MAP2K2: variants seen among roughly 807,000 people sequenced by gnomAD.
The protein encoded by MAP2K2 is dual specificity mitogen-activated protein kinase kinase 2.
In MAP2K2, 24 loss-of-function variants were observed where a neutral mutation model predicts 43.7. The observed-to-expected ratio is 0.55, with a 90% CI of 0.40 to 0.77. The LOEUF (loss-of-function observed/expected upper bound fraction) is 0.77. MAP2K2 is among the 30% of genes least tolerant of loss of function. MAP2K2 has a pLI of 0.00. For missense variants in MAP2K2, 470 were observed against 566.8 expected (o/e 0.83, Z 1.73); for synonymous variants, 244 against 239.7 (o/e 1.02, Z -0.17).
chr19:4,106,630 A>G (rs1286014011), intron 3 of MAP2K2, among the ~76,000 whole-genome samples: 1 of 151,272 alleles, frequency 6.6e-6, no homozygotes, highest in Non-Finnish European at 1.5e-5. Flanking sequence ...ATGGTCTTGA[A>G]CTCTTGACCT....
chr19:4,121,036 G>A (rs925936851), intron 1 of MAP2K2, among the ~76,000 whole-genome samples: 4 of 152,008 alleles, frequency 2.6e-5, no homozygotes, highest in African/African-American at 7.3e-5. Context: ...CACGGCACCC[G>A]GACCCCAGCC....
intron 3 of MAP2K2, chr19:4,102,664 G>A (rs962939257): frequency 9.9e-7 from 1 of 1,005,156 alleles, no homozygotes; most frequent in Non-Finnish European, 1.4e-6. Flanking sequence ...GAAGGAACAG[G>A]GCCCAGGGTT....
chr19:4,113,418 C>T (rs2041180586), intron 2 of MAP2K2, among the ~76,000 whole-genome samples: 1 of 152,148 alleles, frequency 6.6e-6, no homozygotes. Flanking sequence ...GACAGACAGA[C>T]AGATGGACAG....
At chr19:4,094,711 C>T (rs925481289) in intron 9 of MAP2K2, 1 of 583,620 alleles carries the variant, frequency 1.7e-6, no homozygotes, top group East Asian at 2.8e-5. Context: ...GGCAGGACAC[C>T]CCCCAGCGGG....
intron 3 of MAP2K2, among the ~76,000 whole-genome samples, chr19:4,109,337 T>TA (rs957311645): frequency 6.6e-6 from 1 of 152,188 alleles, no homozygotes; most frequent in African/African-American, 2.4e-5. Context: ...TACCCCACCC[T>TA]AGAGACTGTG....
intron 7 of MAP2K2, among the ~76,000 whole-genome samples, 199 bp from the exon 8 acceptor site, chr19:4,097,542 C>T (rs1216967713): frequency 1.3e-5 from 2 of 152,160 alleles, no homozygotes; most frequent in African/African-American, 4.8e-5. Context: ...CTACTCCTTG[C>T]CTGAGCCTCT....
intron 3 of MAP2K2, among the ~76,000 whole-genome samples, chr19:4,107,124 G>A (rs1335238980): frequency 6.6e-5 from 10 of 152,276 alleles, no homozygotes; most frequent in East Asian, 3.9e-4. Context: ...CACTGGGCAC[G>A]GTGGCTCACC....
chr19:4,106,022 C>A (rs1029309737), intron 3 of MAP2K2, among the ~76,000 whole-genome samples: 3 of 152,174 alleles, frequency 2.0e-5, no homozygotes, highest in Non-Finnish European at 2.9e-5. Flanking sequence ...GGCTGTAGAG[C>A]AGTGGCTCAA....
Position 4,117,441 on chromosome 19 carries a change from G to A in MAP2K2, c.281C>T (p.Ser94Leu), listed in dbSNP as rs202220799. 3.3e-5 allele frequency: 53 copies of A among 1,613,172 alleles called. No homozygotes were observed. The highest frequency in any genetic ancestry group is 1.2e-4 in the African/African-American group (9 of 74,902). The change falls in exon 2 of 11, where the codon TCG becomes TTG. Residue 94 changes from serine (S) to leucine (L), a missense_variant. Ser to Leu is a moderately radical substitution (Grantham distance 145). This residue lies in a region of MAP2K2 where 200 missense variants were observed against 297.9 expected (regional missense o/e 0.67). Coordinates refer to ENST00000262948, the MANE Select transcript of MAP2K2 (RefSeq NM_030662.4). ...GVVTKVQHRP[S>L]GLIMARKLIH... Reference sequence around the variant, plus strand: ...CACCTTCCTGGCCATGATGAGGCCCGAGGGTCTGTGCTGGACTTTGGTGAC... The same window carrying A: ...CACCTTCCTGGCCATGATGAGGCCCAAGGGTCTGTGCTGGACTTTGGTGAC...
At chr19:4,099,177 G>T in intron 7 of MAP2K2, 24 bp downstream of exon 7, 1 of 1,582,574 alleles carries the variant, frequency 6.3e-7, no homozygotes, top group East Asian at 2.3e-5. Context: ...CGTCCAGACC[G>T]GAAGTTGCAG....
chr19:4,113,140 G>A (rs1236194976), intron 2 of MAP2K2, among the ~76,000 whole-genome samples: 2 of 152,162 alleles, frequency 1.3e-5, no homozygotes, highest in Admixed American at 6.5e-5. Context: ...GTCGCAAGTC[G>A]TAATTTAGGA....
chr19:4,116,805 C>T (rs1246461549), intron 2 of MAP2K2, among the ~76,000 whole-genome samples: 2 of 151,858 alleles, frequency 1.3e-5, no homozygotes, highest in East Asian at 1.9e-4. Flanking sequence ...TGGTGTGTGC[C>T]TGTAATCCCA....
chr19:4,097,254 A>G, intron 8 of MAP2K2, 25 bp downstream of exon 8: 1 of 1,575,396 alleles, frequency 6.3e-7, no homozygotes, highest in Non-Finnish European at 8.7e-7. Context: ...AGGAAAAGAA[A>G]AGCCAAAAGG....
intron 2 of MAP2K2, among the ~76,000 whole-genome samples, chr19:4,116,632 G>C (rs139450560): frequency 2.7e-3 from 406 of 152,220 alleles, no homozygotes; most frequent in Admixed American, 5.7e-3. Context: ...CCACACCCAG[G>C]CTCCCATGCT....
At chr19:4,105,603 G>C (rs148870678) in intron 3 of MAP2K2, among the ~76,000 whole-genome samples, 25 of 152,154 alleles carry the variant, frequency 1.6e-4, no homozygotes, top group African/African-American at 5.8e-4. Context: ...ATTCAAATGA[G>C]GATAAATAAC....
At chr19:4,112,650 C>T (rs1053686519) in intron 2 of MAP2K2, among the ~76,000 whole-genome samples, 1 of 152,026 alleles carries the variant, frequency 6.6e-6, no homozygotes, top group East Asian at 1.9e-4. Flanking sequence ...GCAGCCCTGG[C>T]GCTGCCTGCC....
intron 2 of MAP2K2, among the ~76,000 whole-genome samples, chr19:4,113,532 G>T (rs2041182034): frequency 6.6e-6 from 1 of 152,154 alleles, no homozygotes; most frequent in Non-Finnish European, 1.5e-5. Context: ...GCAAGCTCAG[G>T]TTCGGAGCCT....
At chr19:4,119,937 A>G (rs1454675201) in intron 1 of MAP2K2, among the ~76,000 whole-genome samples, 1 of 152,392 alleles carries the variant, frequency 6.6e-6, no homozygotes, top group East Asian at 1.9e-4. Context: ...CACGGGGCAC[A>G]CAGGCCAGAA....
At chr19:4,120,898 G>A (rs184864255) in intron 1 of MAP2K2, among the ~76,000 whole-genome samples, 122 of 145,496 alleles carry the variant, frequency 8.4e-4, no homozygotes, top group Middle Eastern at 3.6e-3. Flanking sequence ...GGCTGTGCCC[G>A]TGTTGACTTG....
Sources: gnomAD v4.1 joint callset for allele counts (sites outside exome capture counted in the v4.1 genomes callset) on GRCh38, gnomAD v4.1.1 for gene constraint, gnomAD v4.1.1 regional missense constraint, MANE v1.5 for transcripts, NCBI Gene and HGNC (gene_info 2026-07-23, HGNC 2026-07-21) for gene names.